The following TSPAN15 variants were observed in gnomAD, a reference collection of about 807,000 sequenced individuals.
TSPAN15 encodes tetraspanin-15.
Under a neutral mutation model 34.5 loss-of-function variants are expected in TSPAN15, and 20 were observed. The ratio of observed to expected loss-of-function variants is 0.58; its 90% confidence interval spans 0.41 to 0.84. The LOEUF (loss-of-function observed/expected upper bound fraction) is 0.84. TSPAN15 is among the 40% of genes least tolerant of loss of function. The pLI is 0.00. For synonymous variants in TSPAN15, 155 were observed against 153.9 expected (o/e 1.01, Z -0.05); for missense variants, 313 against 386.1 (o/e 0.81, Z 1.59).
chr10:69,480,677 A>G (rs1204200823), intron 1 of TSPAN15, among the ~76,000 whole-genome samples: 1 of 151,862 alleles, frequency 6.6e-6, no homozygotes, highest in Non-Finnish European at 1.5e-5. Flanking sequence ...GAGGAAGGGG[A>G]CTTGGCCTTT....
intron 1 of TSPAN15, among the ~76,000 whole-genome samples, chr10:69,471,992 C>T (rs946142000): frequency 6.6e-6 from 1 of 152,104 alleles, no homozygotes; most frequent in Non-Finnish European, 1.5e-5. Context: ...ACAAAAGCTC[C>T]AGAATCTTCA....
rs1841078607 is a variant in TSPAN15 at position 69,455,592 on chromosome 10, CTTTCTTTCTT to C, written c.96+3904_96+3913del. Reference sequence around the variant, plus strand: ...CTTTCTCTTTTCTTTCTTTCTTTCTCTTTCTTTCTTTCTTTCTCTCTCTCTCTCTCTCTCC... The same window carrying C: ...CTTTCTCTTTTCTTTCTTTCTTTCTCTCTTTCTCTCTCTCTCTCTCTCTCC... On this transcript the variant is annotated intron_variant, in intron 1 of 7. Transcript: ENST00000373290. 1.3e-3 allele frequency among the ~76,000 whole-genome samples: 158 copies of C among 121,002 alleles called. 1 individual carries two copies. The highest frequency in any genetic ancestry group is 7.8e-3 in the Middle Eastern group (2 of 258). The allele number at this position is 121,002 out of a possible 152,430, so 79.4% of individuals were successfully genotyped here.
intron 1 of TSPAN15, among the ~76,000 whole-genome samples, chr10:69,465,080 G>A (rs1214323283): frequency 6.6e-6 from 1 of 152,222 alleles, no homozygotes; most frequent in African/African-American, 2.4e-5. Context: ...TTGAGAAGCT[G>A]GCACTCACTG....
chr10:69,451,580 C>A lies in TSPAN15; in HGVS notation c.-15C>A, dbSNP rs1365933828. On this transcript the variant is annotated 5_prime_UTR_variant, in exon 1 of 8. Transcript: ENST00000373290. The stretch of plus-strand genomic sequence containing the variant: ...AGCCCCGGAGCCCCCGTAACCCGCG[C>A]GGGGAGCGCCCAGGATGCCGCGCGG... The A allele has an allele frequency of 6.9e-7, 1 of 1,449,098 alleles. No individual in the cohort carries two copies. Among genetic ancestry groups the A allele is most frequent in the Non-Finnish European group, 9.1e-7 (1 of 1,097,362 alleles). The allele number at this position is 1,449,098 out of a possible 1,614,324, so 89.8% of individuals were successfully genotyped here.
chr10:69,504,299 T>G, intron 5 of TSPAN15, 139 bp from the exon 6 acceptor site: 1 of 665,796 alleles, frequency 1.5e-6, no homozygotes, highest in African/African-American at 1.8e-5. Flanking sequence ...CCAGACTGCC[T>G]GGGTCGGAAT....
intron 5 of TSPAN15, among the ~76,000 whole-genome samples, chr10:69,503,249 A>T (rs1212751696): frequency 6.6e-6 from 1 of 152,148 alleles, no homozygotes; most frequent in African/African-American, 2.4e-5. Flanking sequence ...TGACATTTAG[A>T]ATGACCTAGA....
chr10:69,484,595 G>A (rs748276), intron 2 of TSPAN15, among the ~76,000 whole-genome samples: 16,062 of 152,272 alleles, frequency 0.11, 1,276 homozygotes, highest in East Asian at 0.42. Context: ...ACTGTAAACC[G>A]GGTTTGGGTG....
chr10:69,483,986 CT>C, intron 2 of TSPAN15, 110 bp downstream of exon 2: 1 of 1,171,916 alleles, frequency 8.5e-7, no homozygotes, highest in Non-Finnish European at 1.2e-6. Flanking sequence ...AAACCACCTC[CT>C]TTAGAGAGCT....
the TSPAN15 span, among the ~76,000 whole-genome samples, chr10:69,548,222 C>T: frequency 6.6e-6 from 1 of 152,218 alleles, no homozygotes; most frequent in Non-Finnish European, 1.5e-5. Context: ...AACTAGACTA[C>T]TGATCCTTGA....
At chr10:69,542,191 C>T in the TSPAN15 span, among the ~76,000 whole-genome samples, 72 of 152,172 alleles carry the variant, frequency 4.7e-4, no homozygotes, top group Non-Finnish European at 4.4e-5. Context: ...CCACCAGTCT[C>T]TTTGCATAGC....
chr10:69,472,419 A>G (rs10998819), intron 1 of TSPAN15, among the ~76,000 whole-genome samples: 10,277 of 152,186 alleles, frequency 0.068, 538 homozygotes, highest in African/African-American at 0.14. Flanking sequence ...ACTTGATCAC[A>G]TCTACCCCAG....
the TSPAN15 span, among the ~76,000 whole-genome samples, chr10:69,534,783 G>C: frequency 6.8e-6 from 1 of 146,788 alleles, no homozygotes; most frequent in African/African-American, 2.5e-5. Flanking sequence ...CGGAGTTTGA[G>C]ACCAGCCTGG....
At chr10:69,505,623 G>C (rs1248445551) in intron 6 of TSPAN15, among the ~76,000 whole-genome samples, 1 of 150,824 alleles carries the variant, frequency 6.6e-6, no homozygotes, top group Non-Finnish European at 1.5e-5. Flanking sequence ...GCCTAGGCTG[G>C]CCTCAAACTC....
intron 1 of TSPAN15, among the ~76,000 whole-genome samples, chr10:69,461,112 G>A (rs531904728): frequency 1.3e-4 from 20 of 152,258 alleles, no homozygotes; most frequent in East Asian, 1.9e-4. Flanking sequence ...AGGAGACGCC[G>A]TCTGCCACGT....
chr10:69,503,678 A>G (rs979436767), intron 5 of TSPAN15, among the ~76,000 whole-genome samples: 1 of 152,038 alleles, frequency 6.6e-6, no homozygotes, highest in Non-Finnish European at 1.5e-5. Context: ...GTTCACTTAC[A>G]TGTAGAGCAG....
chr10:69,456,553 C>T (rs1011354094), intron 1 of TSPAN15, among the ~76,000 whole-genome samples: 5 of 152,020 alleles, frequency 3.3e-5, no homozygotes, highest in Admixed American at 2.6e-4. Context: ...GAAACCAAGA[C>T]GCCCATCATA....
At chr10:69,504,683 G>C (rs1842288094) in intron 6 of TSPAN15, among the ~76,000 whole-genome samples, 198 bp downstream of exon 6, 1 of 152,176 alleles carries the variant, frequency 6.6e-6, no homozygotes, top group Non-Finnish European at 1.5e-5. Flanking sequence ...CCCCCAGGCT[G>C]GGAGATGCCG....
the TSPAN15 span, among the ~76,000 whole-genome samples, chr10:69,538,304 TGACCCTGTCTGAGAGGTGAG>T: frequency 2.6e-5 from 4 of 152,202 alleles, no homozygotes; most frequent in Non-Finnish European, 5.9e-5. Context: ...TAAGAGGTGA[TGACCCTGTCTGAGAGGTGAG>T]GACCCCTCCT....
chr10:69,527,149 G>C, the TSPAN15 span, among the ~76,000 whole-genome samples: 1 of 147,992 alleles, frequency 6.8e-6, no homozygotes, highest in African/African-American at 2.5e-5. Context: ...GCCATAAAAG[G>C]TACTGAAATT....
Sources: gnomAD v4.1 joint callset for allele counts (sites outside exome capture counted in the v4.1 genomes callset) on GRCh38, gnomAD v4.1.1 for gene constraint, MANE v1.5 for transcripts, NCBI Gene and HGNC (gene_info 2026-07-23, HGNC 2026-07-21) for gene names.